Variants in PCDHA12 observed in about 807,000 individuals in gnomAD.
PCDHA12 encodes protocadherin alpha-12.
A neutral mutation model predicts 60.0 loss-of-function variants in PCDHA12; 44 were observed. That is an observed-to-expected ratio of 0.73 (90% CI 0.58 to 0.94). The LOEUF (loss-of-function observed/expected upper bound fraction) is 0.94, where lower values mean the gene tolerates loss of function less well. PCDHA12 is among the 40% of genes least tolerant of loss of function. PCDHA12 has a pLI of 0.00. For missense variants in PCDHA12, 1,276 were observed against 1,239.7 expected (o/e 1.03, Z -0.44); for synonymous variants, 569 against 553.0 (o/e 1.03, Z -0.40).
At chr5:140,983,720 T>G (rs1563510266) in intron 3 of PCDHA12, among the ~76,000 whole-genome samples, 1 of 152,228 alleles carries the variant, frequency 6.6e-6, no homozygotes, top group Non-Finnish European at 1.5e-5. Context: ...AGCACTTATA[T>G]TCATAACATG....
chr5:140,939,967 C>T (rs527732118), intron 1 of PCDHA12, among the ~76,000 whole-genome samples: 8 of 152,210 alleles, frequency 5.3e-5, no homozygotes, highest in African/African-American at 1.7e-4. Context: ...AAGTGTTCCA[C>T]GATGAATAGT....
chr5:140,877,076 T>C lies in PCDHA12; in HGVS notation c.1604T>C (p.Val535Ala). 1 of 1,613,022 alleles carries C rather than the reference T, an allele frequency of 6.2e-7. No individual in the cohort carries two copies. Among genetic ancestry groups the C allele is most frequent in the Non-Finnish European group, 8.5e-7 (1 of 1,179,826 alleles). The change falls in exon 1 of 4, where the codon GTG becomes GCG. Residue 535 changes from valine (V) to alanine (A), a missense_variant. By Grantham distance (64) the Val-to-Ala change is moderately conservative. Coordinates refer to ENST00000398631, the MANE Select transcript of PCDHA12 (RefSeq NM_018903.4). ...HEELELLQFQ[V>A]SARDAGVPPL... ...GAGCTGGAGCTGCTGCAGTTCCAGG[T>C]GAGCGCGCGCGACGCCGGCGTGCCG...
intron 1 of PCDHA12, among the ~76,000 whole-genome samples, chr5:140,891,792 G>A (rs2063250974): frequency 6.6e-6 from 1 of 152,152 alleles, no homozygotes; most frequent in Non-Finnish European, 1.5e-5. Flanking sequence ...TAGATTATGA[G>A]GGATCTGCCC....
rs568789486 is a variant in PCDHA12 at position 140,896,494 on chromosome 5, C to G, written c.2367+18655C>G. 6.6e-5 allele frequency among the ~76,000 whole-genome samples: 10 copies of G among 151,966 alleles called. No individual in the cohort carries two copies. In the East Asian group the frequency reaches 1.9e-3, roughly 29 times the overall value. On this transcript the variant is annotated intron_variant, in intron 1 of 3. Coordinates refer to ENST00000398631, the MANE Select transcript of PCDHA12 (RefSeq NM_018903.4). The stretch of plus-strand genomic sequence containing the variant: ...TCTCCTGCCTCAGCCTCCTGAGTAG[C>G]TGGGACTGTGCAGGCACACACCACA...
intron 1 of PCDHA12, among the ~76,000 whole-genome samples, chr5:140,969,721 C>A (rs1399042401): frequency 6.6e-5 from 10 of 152,126 alleles, no homozygotes; most frequent in African/African-American, 2.2e-4. Context: ...GGAAATTTTT[C>A]TTTTGAAATC....
chr5:140,957,104 C>T (rs2095333785), intron 1 of PCDHA12, among the ~76,000 whole-genome samples: 1 of 152,104 alleles, frequency 6.6e-6, no homozygotes, highest in Non-Finnish European at 1.5e-5. Context: ...TTGCTATGGA[C>T]ATGATTCTGT....
In PCDHA12 at chr5:141,009,853, G is replaced by A. The variant is rs1482682626; in HGVS notation, c.2742G>A (p.Lys914=). The change falls in exon 4 of 4, where the codon AAG becomes AAA. Residue 914 remains lysine (K), a synonymous_variant. Transcript: ENST00000398631. ...FITFGKKEET[K]KKKKKKKGNK... ...CCTTCGGCAAAAAGGAGGAGACCAAGAAAAAGAAGAAAAAGAAGAAGGGTA... is the reference window on the plus strand; with the variant it reads ...CCTTCGGCAAAAAGGAGGAGACCAAAAAAAAGAAGAAAAAGAAGAAGGGTA... 12 of 1,613,590 alleles carry A rather than the reference G, an allele frequency of 7.4e-6. No individual in the cohort carries two copies. Among genetic ancestry groups the A allele is most frequent in the Non-Finnish European group, 1.0e-5 (12 of 1,179,924 alleles).
At chr5:140,999,215 C>T (rs1290752092) in intron 3 of PCDHA12, among the ~76,000 whole-genome samples, 1 of 152,140 alleles carries the variant, frequency 6.6e-6, no homozygotes, top group South Asian at 2.1e-4. Context: ...TCTGGAAGTA[C>T]TACATTTGAG....
In PCDHA12 at chr5:140,998,789, C is replaced by T. The variant is rs920510450; in HGVS notation, c.2516-10838C>T. On this transcript the variant is annotated intron_variant, in intron 3 of 3. Transcript: ENST00000398631. ...ATGTTGGTCAGGCTGGTCTGGAACC[C>T]CTGACCTCAGGTGATCTGCCTGCCT... 4.6e-5 allele frequency among the ~76,000 whole-genome samples: 7 copies of T among 152,118 alleles called. 1 individual carries two copies. Among genetic ancestry groups the T allele is most frequent in the Admixed American group, 2.6e-4 (4 of 15,262 alleles).
rs146702581 is a variant in PCDHA12 at position 140,929,720 on chromosome 5, C to T, written c.2368-49229C>T. ...TATGAATATAATATGGAAGGTGAAA[C>T]ATTTACTTAAACTATTGCAATGCAT... On this transcript the variant is annotated intron_variant, in intron 1 of 3. Coordinates refer to ENST00000398631, the MANE Select transcript of PCDHA12 (RefSeq NM_018903.4). The T allele has an allele frequency of 2.8e-3, 635 of 224,158 alleles. 4 individuals are homozygous for T. The highest frequency in any genetic ancestry group is 6.2e-3 in the African/African-American group (270 of 43,802). 13.9% of individuals were successfully genotyped at this position (224,158 alleles called of 1,614,324 possible).
At chr5:140,937,839 A>G (rs2091791639) in intron 1 of PCDHA12, among the ~76,000 whole-genome samples, 1 of 150,456 alleles carries the variant, frequency 6.6e-6, no homozygotes, top group Non-Finnish European at 1.5e-5. Flanking sequence ...ATGAACCTGG[A>G]AGGCGGAACT....
At chr5:140,936,163 G>A (rs2090818025) in intron 1 of PCDHA12, among the ~76,000 whole-genome samples, 1 of 152,090 alleles carries the variant, frequency 6.6e-6, no homozygotes, top group African/African-American at 2.4e-5. Flanking sequence ...AAAGTGCTGG[G>A]ATTAGAGGCC....
intron 1 of PCDHA12, among the ~76,000 whole-genome samples, chr5:140,892,021 G>A (rs2063355611): frequency 6.6e-6 from 1 of 152,160 alleles, no homozygotes; most frequent in Admixed American, 6.5e-5. Context: ...AGCACAAATG[G>A]TCTAAGATAC....
intron 1 of PCDHA12, among the ~76,000 whole-genome samples, chr5:140,910,787 T>G (rs566298433): frequency 2.0e-5 from 3 of 152,196 alleles, no homozygotes; most frequent in Non-Finnish European, 4.4e-5. Flanking sequence ...CAACATTAAA[T>G]GCAGAATCCC....
At chr5:140,928,276 G>T in intron 1 of PCDHA12, 1 of 1,614,172 alleles carries the variant, frequency 6.2e-7, no homozygotes, top group Non-Finnish European at 8.5e-7. Context: ...TGGCCCTGGG[G>T]CCTCTCTAGG....
intron 1 of PCDHA12, among the ~76,000 whole-genome samples, chr5:140,910,901 C>T (rs1433262630): frequency 6.6e-6 from 1 of 152,142 alleles, no homozygotes; most frequent in African/African-American, 2.4e-5. Context: ...CTATGCCTGT[C>T]CTCCAGATTT....
rs201572428 is a variant in PCDHA12, at chr5:140,982,529, T to A, written c.2481T>A (p.Asp827Glu). 220 of 1,614,200 alleles carry A rather than the reference T, an allele frequency of 1.4e-4. No homozygotes were observed. Among genetic ancestry groups the A allele is most frequent in the Non-Finnish European group, 1.7e-4 (202 of 1,180,036 alleles). Reference sequence around the variant, plus strand: ...TACGGGCTGGTCCAGGAGGGCCTGATCAGCAGTGGCCAACAGTATCCAGTG... The same window carrying A: ...TACGGGCTGGTCCAGGAGGGCCTGAACAGCAGTGGCCAACAGTATCCAGTG... ...GILRAGPGGP[D>E]QQWPTVSSAT... Residue 827 changes from aspartate (D) to glutamate (E), a missense_variant, in exon 3 of 4, where the codon GAT becomes GAA. Transcript: ENST00000398631.
At chr5:141,000,361 G>GTC (rs148596731) in intron 3 of PCDHA12, among the ~76,000 whole-genome samples, 441 of 26,430 alleles carry the variant, frequency 0.017, 8 homozygotes, top group Non-Finnish European at 0.02. Flanking sequence ...GTCTCTCTCT[G>GTC]TCTCTCTCTC....
intron 1 of PCDHA12, among the ~76,000 whole-genome samples, chr5:140,941,907 CT>C (rs1379926904): frequency 7.2e-5 from 11 of 152,106 alleles, no homozygotes; most frequent in African/African-American, 2.7e-4. Context: ...CATTGAAATG[CT>C]TTTATGTATA....
Sources: allele counts gnomAD v4.1 joint callset (sites outside exome capture counted in the v4.1 genomes callset), GRCh38; gene constraint gnomAD v4.1.1; transcripts MANE v1.5; gene names NCBI Gene and HGNC (gene_info 2026-07-23, HGNC 2026-07-21).